CBFA2T3: variants seen among roughly 807,000 people sequenced by gnomAD.
CBFA2T3 encodes the protein CBFA2/RUNX1 partner transcriptional co-repressor 3.
CBFA2T3 carries 31 observed loss-of-function variants against 58.6 expected under a neutral mutation model. The observed-to-expected ratio is 0.53, with a 90% CI of 0.40 to 0.71. The LOEUF is 0.71. CBFA2T3 is among the 30% of genes least tolerant of loss of function. CBFA2T3 has a pLI of 0.00. For missense variants in CBFA2T3, 1,076 were observed against 963.1 expected (o/e 1.12, Z -1.55); for synonymous variants, 531 against 421.9 (o/e 1.26, Z -3.17).
intron 5 of CBFA2T3, among the ~76,000 whole-genome samples, chr16:88,887,749 A>G (rs1969439730): frequency 6.6e-6 from 1 of 152,114 alleles, no homozygotes; most frequent in African/African-American, 2.4e-5. Flanking sequence ...TGTCACCACT[A>G]AAATGCTACA....
At position 88,976,843 on chromosome 16, in the gene CBFA2T3, A is replaced by C; in HGVS notation, c.-36T>G. The C allele has an allele frequency of 1.3e-6, 2 of 1,529,960 alleles. No homozygotes were observed. Among genetic ancestry groups the C allele is most frequent in the Non-Finnish European group, 1.8e-6 (2 of 1,130,652 alleles). 94.8% of individuals were successfully genotyped at this position (1,529,960 alleles called of 1,614,324 possible). Reference sequence around the variant, plus strand: ...ACCCTCAGGGGCCAACCTGGAGCCCAGGACAGGCCTCTACCAGGACTGCCT... The same window carrying C: ...ACCCTCAGGGGCCAACCTGGAGCCCCGGACAGGCCTCTACCAGGACTGCCT... On this transcript the variant is annotated 5_prime_UTR_variant, in exon 1 of 12. Coordinates refer to ENST00000268679, the MANE Select transcript of CBFA2T3 (RefSeq NM_005187.6).
intron 2 of CBFA2T3, among the ~76,000 whole-genome samples, chr16:88,899,923 G>A (rs1970035697): frequency 6.6e-6 from 1 of 152,120 alleles, no homozygotes; most frequent in Non-Finnish European, 1.5e-5. Context: ...CAAGCTGCCT[G>A]GTAGAGAGAC....
Position 88,886,029 on chromosome 16 carries a change from G to T in CBFA2T3, c.825C>A (p.Ser275=), listed in dbSNP as rs1315116646. The change falls in exon 6 of 12, where the codon TCC becomes TCA. Residue 275 remains serine, a synonymous_variant. Transcript: ENST00000268679. ...GCAGCTCTGAGGAGTCGATGGGGGA[G>T]GAGGCGCTGGCGTCCAGCAGGAGCT... ...HEQLLLDASA[S]SPIDSSELLL... The T allele has an allele frequency of 3.2e-6, 5 of 1,570,816 alleles. No homozygotes were observed. In the Admixed American group the frequency reaches 9.5e-5, roughly 30 times the overall value.
At chr16:88,962,906 C>T (rs749221961) in intron 1 of CBFA2T3, among the ~76,000 whole-genome samples, 33 of 152,156 alleles carry the variant, frequency 2.2e-4, no homozygotes, top group Admixed American at 5.2e-4. Flanking sequence ...CCCCACCCCG[C>T]GTGTCTGAAA....
At position 88,885,823 on chromosome 16, in the gene CBFA2T3, G is replaced by A. The variant is rs1969344504; in HGVS notation, c.893+138C>T. 7 of 737,246 alleles carry A rather than the reference G, an allele frequency of 9.5e-6. No homozygotes were observed. The highest frequency in any genetic ancestry group is 5.3e-5 in the African/African-American group (3 of 56,596). 45.7% of individuals were successfully genotyped at this position (737,246 alleles called of 1,614,324 possible). A position where few individuals can be genotyped will look rare whatever the true frequency, so the allele number is the denominator to read the frequency against. On this transcript the variant is annotated intron_variant, in intron 6 of 11. Coordinates refer to ENST00000268679, the MANE Select transcript of CBFA2T3 (RefSeq NM_005187.6). The surrounding 1 kb of genome is among the most constrained non-coding windows in gnomAD (Gnocchi z 5.3). ...AAGCCTGCTGGCCCTAGTACACCTC[G>A]CCACGCTCCCTCAGCCCGAGAGAGC...
At chr16:88,940,879 G>C (rs1408152490) in intron 1 of CBFA2T3, 1 of 249,320 alleles carries the variant, frequency 4.0e-6, no homozygotes, top group South Asian at 1.5e-4. Flanking sequence ...CGCTGGGCGG[G>C]TTGGCTCCAC....
At chr16:88,973,449 C>G (rs1269443433) in intron 1 of CBFA2T3, among the ~76,000 whole-genome samples, 1 of 152,188 alleles carries the variant, frequency 6.6e-6, no homozygotes, top group Non-Finnish European at 1.5e-5. Flanking sequence ...ACTGTGAGAA[C>G]AGAAGCCTCT....
intron 1 of CBFA2T3, among the ~76,000 whole-genome samples, chr16:88,954,417 C>CACCCAAGGCTCCTGACCCT (rs1972161045): frequency 7.0e-6 from 1 of 142,240 alleles, no homozygotes; most frequent in Non-Finnish European, 1.5e-5. Context: ...CTCCTGACCC[C>CACCCAAGGCTCCTGACCCT]ACCCAAGGCT....
At chr16:88,917,027 T>A (rs1597724449) in intron 1 of CBFA2T3, among the ~76,000 whole-genome samples, 1 of 134,402 alleles carries the variant, frequency 7.4e-6, no homozygotes, top group South Asian at 2.3e-4. Context: ...TGGGCTGAGA[T>A]CCCACCACTG....
rs1567644055 is a variant in CBFA2T3 at position 88,975,208 on chromosome 16, G to GGCCCTCTCTGCTCC, written c.151+1448_151+1449insGGAGCAGAGAGGGC. Among the ~76,000 whole-genome samples the GGCCCTCTCTGCTCC allele has an allele frequency of 1.3e-3, 143 of 108,250 alleles. 1 individual carries two copies. The highest frequency in any genetic ancestry group is 2.0e-3 in the Non-Finnish European group (107 of 54,104). 71.0% of individuals were successfully genotyped at this position (108,250 alleles called of 152,430 possible). ...TTTAGCCATGTCAGAGGTCCACCCTGACCCTCTGCTCCTCACCTGCAGCCA... is the reference window on the plus strand; with the variant it reads ...TTTAGCCATGTCAGAGGTCCACCCTGGCCCTCTCTGCTCCACCCTCTGCTCCTCACCTGCAGCCA... On this transcript the variant is annotated intron_variant, in intron 1 of 11. Coordinates refer to ENST00000268679, the MANE Select transcript of CBFA2T3 (RefSeq NM_005187.6).
chr16:88,924,452 T>C (rs1257687421), intron 1 of CBFA2T3, among the ~76,000 whole-genome samples: 1 of 151,878 alleles, frequency 6.6e-6, no homozygotes, highest in African/African-American at 2.4e-5. Flanking sequence ...TCGGGGGCGA[T>C]GGCTGGGATG....
At chr16:88,901,318 C>A (rs114022832) in intron 2 of CBFA2T3, among the ~76,000 whole-genome samples, 186 bp downstream of exon 2, 6,844 of 152,282 alleles carry the variant, frequency 0.045, 222 homozygotes, top group African/African-American at 0.09. Context: ...CCGGAGCTAC[C>A]CAGTGGGAAG....
At chr16:88,883,559 A>G (rs1969224877) in intron 7 of CBFA2T3, 1 of 152,340 alleles carries the variant, frequency 6.6e-6, no homozygotes, top group African/African-American at 2.4e-5. Flanking sequence ...AGGTCACCAG[A>G]AACTAAGACG....
Position 88,880,724 on chromosome 16 carries a change from C to A in CBFA2T3, c.1467G>T (p.Lys489Asn). Residue 489 changes from lysine to asparagine, a missense_variant, in exon 10 of 12, where the codon AAG becomes AAT. Lys to Asn is a moderately conservative substitution (Grantham distance 94). Coordinates refer to ENST00000268679, the MANE Select transcript of CBFA2T3 (RefSeq NM_005187.6). ...TGYVPEDIWRKAEEAVNEVKR... is the reference protein window; with the variant it reads ...TGYVPEDIWRNAEEAVNEVKR... ...GGCCCCTGCACCCCCACTCACCAGC[C>A]TTCCTCCAGATGTCCTCAGGCACGT... is the stretch of plus-strand genomic sequence containing the variant. 6.4e-7 allele frequency: 1 copy of A among 1,567,350 alleles called. No homozygotes were observed. Among genetic ancestry groups the A allele is most frequent in the Non-Finnish European group, 8.7e-7 (1 of 1,155,624 alleles).
At chr16:88,966,538 A>C (rs1447399354) in intron 1 of CBFA2T3, among the ~76,000 whole-genome samples, 1 of 151,950 alleles carries the variant, frequency 6.6e-6, no homozygotes, top group African/African-American at 2.4e-5. Flanking sequence ...GCCTCCCATG[A>C]ACTCAGTAGT....
chr16:88,917,071 C>CA (rs781169197), intron 1 of CBFA2T3, among the ~76,000 whole-genome samples: 6,372 of 80,864 alleles, frequency 0.079, 343 homozygotes, highest in African/African-American at 0.19. Flanking sequence ...GACTCTGTCT[C>CA]AAAAAAAAAA....
chr16:88,960,859 C>G lies in CBFA2T3; in HGVS notation c.151+15798G>C, dbSNP rs60984192. Among the ~76,000 whole-genome samples, 1,408 of 152,348 alleles carry G rather than the reference C, an allele frequency of 9.2e-3. 27 individuals carry two copies. The highest frequency in any genetic ancestry group is 0.033 in the African/African-American group (1,361 of 41,570). On this transcript the variant is annotated intron_variant, in intron 1 of 11. Coordinates refer to ENST00000268679, the MANE Select transcript of CBFA2T3 (RefSeq NM_005187.6). ...GGGATCAAATCCATCACAGGGAGGT[C>G]TGCCAGATTTTGGAGATTACAGATG...
At chr16:88,959,843 T>A (rs1293422079) in intron 1 of CBFA2T3, among the ~76,000 whole-genome samples, 1 of 152,032 alleles carries the variant, frequency 6.6e-6, no homozygotes, top group Non-Finnish European at 1.5e-5. Flanking sequence ...CTAGCCAACA[T>A]GGTGAAACTC....
At chr16:88,917,131 A>T (rs1906969974) in intron 1 of CBFA2T3, among the ~76,000 whole-genome samples, 1 of 152,024 alleles carries the variant, frequency 6.6e-6, no homozygotes, top group Non-Finnish European at 1.5e-5. Context: ...GAACTGGTGG[A>T]ATCTGAGATC....
Sources: gnomAD v4.1 joint callset for allele counts (sites outside exome capture counted in the v4.1 genomes callset) on GRCh38, gnomAD v4.1.1 for gene constraint, Gnocchi (gnomAD v3.1) non-coding constraint, MANE v1.5 for transcripts, NCBI Gene and HGNC (gene_info 2026-07-23, HGNC 2026-07-21) for gene names.